ZDHHC14: variants seen among roughly 807,000 people sequenced by gnomAD.
ZDHHC14 encodes palmitoyltransferase ZDHHC14.
ZDHHC14 carries 16 observed loss-of-function variants against 47.7 expected under a neutral mutation model. That is an observed-to-expected ratio of 0.34 (90% CI 0.23 to 0.51). The LOEUF (loss-of-function observed/expected upper bound fraction) is 0.51. Ranked by LOEUF, ZDHHC14 falls within the 20% of genes least tolerant of loss-of-function variation. The pLI is 0.97. For missense variants in ZDHHC14, 515 were observed against 662.5 expected (o/e 0.78, Z 2.44); for synonymous variants, 293 against 278.9 (o/e 1.05, Z -0.50).
At chr6:157,520,306 G>C (rs1257189788) in intron 1 of ZDHHC14, among the ~76,000 whole-genome samples, 1 of 152,188 alleles carries the variant, frequency 6.6e-6, no homozygotes, top group Non-Finnish European at 1.5e-5. Flanking sequence ...GTCTTCTCCA[G>C]CTGTCCTGGC....
At chr6:157,667,441 G>C (rs1344033163) in intron 8 of ZDHHC14, among the ~76,000 whole-genome samples, 1 of 152,136 alleles carries the variant, frequency 6.6e-6, no homozygotes, top group Non-Finnish European at 1.5e-5. Flanking sequence ...GTAAAAAAGA[G>C]AGAGGTAGAA....
intron 7 of ZDHHC14, among the ~76,000 whole-genome samples, chr6:157,652,932 G>T (rs1490091188): frequency 6.6e-6 from 1 of 152,194 alleles, no homozygotes; most frequent in African/African-American, 2.4e-5. Flanking sequence ...GAGGAAGGGG[G>T]CTAGGGGCAA....
chr6:157,623,738 C>T (rs975782235), intron 3 of ZDHHC14, among the ~76,000 whole-genome samples: 2 of 151,690 alleles, frequency 1.3e-5, no homozygotes, highest in African/African-American at 4.8e-5. Context: ...TTAGTAGAGA[C>T]GGGGTTTCAC....
intron 3 of ZDHHC14, among the ~76,000 whole-genome samples, chr6:157,608,235 A>T (rs1022357874): frequency 6.6e-6 from 1 of 152,120 alleles, no homozygotes; most frequent in African/African-American, 2.4e-5. Flanking sequence ...CACGTCATTC[A>T]TTCACCCTAC....
At chr6:157,579,192 T>TTG (rs1783421438) in intron 2 of ZDHHC14, among the ~76,000 whole-genome samples, 3 of 102,620 alleles carry the variant, frequency 2.9e-5, no homozygotes, top group East Asian at 2.6e-4. Context: ...GATTCTGTGT[T>TTG]TTTTTTTTTT....
At chr6:157,503,305 T>A (rs566770267) in intron 1 of ZDHHC14, among the ~76,000 whole-genome samples, 1 of 152,316 alleles carries the variant, frequency 6.6e-6, no homozygotes, top group South Asian at 2.1e-4. Flanking sequence ...GTCAGACACA[T>A]CCTGGCTTCC....
intron 1 of ZDHHC14, among the ~76,000 whole-genome samples, chr6:157,511,708 A>C (rs1466194200): frequency 6.6e-6 from 1 of 152,008 alleles, no homozygotes; most frequent in South Asian, 2.1e-4. Flanking sequence ...TTTTTATATA[A>C]TAGTACATTT....
At chr6:157,633,625 C>T (rs1457753445) in intron 5 of ZDHHC14, among the ~76,000 whole-genome samples, 4 of 152,142 alleles carry the variant, frequency 2.6e-5, no homozygotes, top group Non-Finnish European at 5.9e-5. Context: ...TGGACTTGAA[C>T]TTCTCATTAC....
intron 8 of ZDHHC14, among the ~76,000 whole-genome samples, chr6:157,659,717 C>T (rs1213053095): frequency 6.6e-6 from 1 of 152,242 alleles, no homozygotes; most frequent in African/African-American, 2.4e-5. Context: ...GCCTGCAGCA[C>T]CGTCGCTAAG....
At chr6:157,488,219 G>C (rs570421916) in intron 1 of ZDHHC14, among the ~76,000 whole-genome samples, 5 of 152,322 alleles carry the variant, frequency 3.3e-5, no homozygotes, top group Admixed American at 2.6e-4. Context: ...TGGGAGGCGG[G>C]TATGAAAGGA....
chr6:157,516,393 A>G (rs1003842177), intron 1 of ZDHHC14, among the ~76,000 whole-genome samples: 1 of 152,152 alleles, frequency 6.6e-6, no homozygotes, highest in Non-Finnish European at 1.5e-5. Flanking sequence ...TTCTGGGAGT[A>G]CCTTATTGTC....
At chr6:157,545,833 C>T (rs1044755323) in intron 2 of ZDHHC14, among the ~76,000 whole-genome samples, 8 of 152,094 alleles carry the variant, frequency 5.3e-5, no homozygotes, top group Admixed American at 3.3e-4. Context: ...CTTAGGTGAG[C>T]GGTGCAGTTT....
At chr6:157,639,154 AG>A (rs1777124913) in intron 5 of ZDHHC14, among the ~76,000 whole-genome samples, 1 of 152,180 alleles carries the variant, frequency 6.6e-6, no homozygotes, top group African/African-American at 2.4e-5. Flanking sequence ...GAAAACTGGG[AG>A]GGGCTGTGAT....
chr6:157,528,419 G>A (rs1047552822), intron 1 of ZDHHC14, among the ~76,000 whole-genome samples: 1 of 152,130 alleles, frequency 6.6e-6, no homozygotes, highest in Non-Finnish European at 1.5e-5. Flanking sequence ...ATGGGAGTGG[G>A]CATTAATCAA....
intron 2 of ZDHHC14, among the ~76,000 whole-genome samples, chr6:157,579,423 T>A (rs1416172766): frequency 1.3e-5 from 2 of 152,062 alleles, no homozygotes; most frequent in South Asian, 2.1e-4. Context: ...GGTCTCAATC[T>A]GCTGACCTCG....
At chr6:157,569,920 A>G (rs1216011641) in intron 2 of ZDHHC14, among the ~76,000 whole-genome samples, 1 of 152,174 alleles carries the variant, frequency 6.6e-6, no homozygotes, top group Non-Finnish European at 1.5e-5. Flanking sequence ...GCTTGTATAT[A>G]TATTGGTTTA....
intron 3 of ZDHHC14, among the ~76,000 whole-genome samples, chr6:157,624,462 A>G (rs1293752727): frequency 6.6e-6 from 1 of 152,206 alleles, no homozygotes; most frequent in Non-Finnish European, 1.5e-5. Context: ...TCTGAGGAAT[A>G]TTTTAGTGTC....
In ZDHHC14 at chr6:157,419,876, A is replaced by T. The variant is rs577420671; in HGVS notation, c.245+37610A>T. Among the ~76,000 whole-genome samples, 5 of 152,324 alleles carry T rather than the reference A, an allele frequency of 3.3e-5. No homozygotes were observed. The East Asian group carries it at 5.8e-4, about 18-fold the overall frequency. On this transcript the variant is annotated intron_variant, in intron 1 of 8. Transcript: ENST00000359775. The stretch of plus-strand genomic sequence containing the variant: ...AGGAAACCACTACATTGTGTTCTAA[A>T]GTGGCTACACCATTTTTCATTTCCA...
intron 2 of ZDHHC14, among the ~76,000 whole-genome samples, chr6:157,546,275 T>C (rs1781969381): frequency 6.6e-6 from 1 of 152,270 alleles, no homozygotes; most frequent in African/African-American, 2.4e-5. Flanking sequence ...ACATTTATGT[T>C]GTGCTATCTG....
Sources: gnomAD v4.1 joint callset for allele counts (sites outside exome capture counted in the v4.1 genomes callset) on GRCh38, gnomAD v4.1.1 for gene constraint, MANE v1.5 for transcripts, NCBI Gene and HGNC (gene_info 2026-07-23, HGNC 2026-07-21) for gene names.